The following FUT9 variants were observed in gnomAD, a reference collection of about 807,000 sequenced individuals.
FUT9 encodes the protein fucosyltransferase 9.
In FUT9, 15 loss-of-function variants were observed where a neutral mutation model predicts 29.7. The observed-to-expected ratio is 0.51, with a 90% CI of 0.34 to 0.78. FUT9 has a LOEUF of 0.78. Ranked by LOEUF, FUT9 falls within the 30% of genes least tolerant of loss-of-function variation. The pLI is 0.01. For missense variants in FUT9, 319 were observed against 425.4 expected, an observed-to-expected ratio of 0.75 and a Z score of 2.20; for synonymous variants, 169 against 153.7, an observed-to-expected ratio of 1.10 and a Z score of -0.74.
chr6:96,057,765 A>C (rs903071824), intron 1 of FUT9, among the ~76,000 whole-genome samples: 1 of 152,204 alleles, frequency 6.6e-6, no homozygotes, highest in Admixed American at 6.5e-5. Flanking sequence ...AGACATCAGG[A>C]GGTTTGGCTT....
intron 2 of FUT9, among the ~76,000 whole-genome samples, chr6:96,128,940 C>A (rs1368459061): frequency 2.0e-5 from 3 of 151,832 alleles, no homozygotes; most frequent in Non-Finnish European, 4.4e-5. Context: ...GCCTGCGCAA[C>A]ATGGTGAAAC....
At chr6:96,035,696 C>T (rs1429550121) in intron 1 of FUT9, among the ~76,000 whole-genome samples, 2 of 132,884 alleles carry the variant, frequency 1.5e-5, no homozygotes, top group African/African-American at 2.8e-5. Flanking sequence ...ATTTATTATA[C>T]TAATAAATAT....
intron 2 of FUT9, among the ~76,000 whole-genome samples, chr6:96,168,764 CTTATT>C (rs1773058528): frequency 6.6e-6 from 1 of 151,986 alleles, no homozygotes; most frequent in Non-Finnish European, 1.5e-5. Flanking sequence ...AGTTTGATGA[CTTATT>C]TTAAGATGAG....
At chr6:96,033,799 A>C (rs1378100010) in intron 1 of FUT9, among the ~76,000 whole-genome samples, 3 of 151,754 alleles carry the variant, frequency 2.0e-5, no homozygotes, top group Non-Finnish European at 4.4e-5. Flanking sequence ...TGTACATACA[A>C]ATACAAATTA....
At chr6:96,063,423 G>C (rs1222231904) in intron 1 of FUT9, among the ~76,000 whole-genome samples, 1 of 151,998 alleles carries the variant, frequency 6.6e-6, no homozygotes, top group Non-Finnish European at 1.5e-5. Flanking sequence ...GAGAGAGTAT[G>C]GGGGGCACAC....
intron 1 of FUT9, among the ~76,000 whole-genome samples, chr6:96,079,942 A>G (rs1050911726): frequency 6.6e-5 from 10 of 152,098 alleles, no homozygotes; most frequent in African/African-American, 1.4e-4. Context: ...ATGGAAAACA[A>G]TAATGATTCT....
intron 1 of FUT9, among the ~76,000 whole-genome samples, chr6:96,095,349 A>G (rs1006411664): frequency 3.9e-5 from 6 of 152,142 alleles, no homozygotes. Context: ...CTTTCCAGGA[A>G]ACTCCTCTAT....
rs1225227384 is a variant in FUT9, at chr6:96,212,079, G to T, written c.*7844G>T. On this transcript the variant is annotated 3_prime_UTR_variant, in exon 3 of 3. Transcript: ENST00000302103. ...CTGCATTCCATTTTGATTAATGAGG[G>T]TTCAGGAAATAGAAAGGCAGTCTCT... is the stretch of plus-strand genomic sequence containing the variant. 2 of 412,292 alleles carry T rather than the reference G, an allele frequency of 4.9e-6. No individual in the cohort carries two copies. The highest frequency in any genetic ancestry group is 8.9e-6 in the Non-Finnish European group (2 of 225,420). The allele number at this position is 412,292 out of a possible 1,614,324, so 25.5% of individuals were successfully genotyped here. A position where few individuals can be genotyped will look rare whatever the true frequency, so the allele number is the denominator to read the frequency against.
intron 2 of FUT9, among the ~76,000 whole-genome samples, chr6:96,139,237 G>A (rs9373667): frequency 0.17 from 26,430 of 152,064 alleles, 2,682 homozygotes; most frequent in East Asian, 0.31. Context: ...ATTCAACAGG[G>A]CAGTCAAATC....
intron 2 of FUT9, among the ~76,000 whole-genome samples, chr6:96,167,443 A>G (rs75697386): frequency 6.6e-6 from 1 of 152,144 alleles, no homozygotes; most frequent in African/African-American, 2.4e-5. Flanking sequence ...TGGAAATTGC[A>G]AATATAGCTA....
intron 1 of FUT9, among the ~76,000 whole-genome samples, chr6:96,067,565 T>A (rs1770985225): frequency 6.6e-6 from 1 of 151,430 alleles, no homozygotes; most frequent in Non-Finnish European, 1.5e-5. Context: ...CAAAGGGGAG[T>A]AGAGGTGATG....
intron 1 of FUT9, among the ~76,000 whole-genome samples, chr6:96,062,217 T>A (rs1016499169): frequency 6.6e-6 from 1 of 151,678 alleles, no homozygotes; most frequent in Admixed American, 6.6e-5. Flanking sequence ...AATCTGAAAA[T>A]ATATATAAAA....
chr6:96,155,079 C>G (rs1029162808), intron 2 of FUT9, among the ~76,000 whole-genome samples: 1 of 152,202 alleles, frequency 6.6e-6, no homozygotes, highest in Non-Finnish European at 1.5e-5. Flanking sequence ...GACCCCCAAT[C>G]AGCAGAGCAA....
intron 2 of FUT9, among the ~76,000 whole-genome samples, chr6:96,121,043 A>C (rs1446138643): frequency 6.6e-6 from 1 of 152,174 alleles, no homozygotes; most frequent in Non-Finnish European, 1.5e-5. Flanking sequence ...AATCCTGTGG[A>C]ACTCCAATAA....
chr6:96,126,984 G>A (rs867459867), intron 2 of FUT9, among the ~76,000 whole-genome samples: 1 of 152,138 alleles, frequency 6.6e-6, no homozygotes, highest in African/African-American at 2.4e-5. Context: ...ATGGTTTCAG[G>A]TTATTATTTG....
intron 2 of FUT9, among the ~76,000 whole-genome samples, chr6:96,193,230 G>T (rs1159733458): frequency 7.2e-6 from 1 of 139,358 alleles, no homozygotes; most frequent in Non-Finnish European, 1.5e-5. Context: ...AAGAGCTTCT[G>T]CACAGCCAAA....
intron 1 of FUT9, among the ~76,000 whole-genome samples, chr6:96,083,604 A>G (rs934420684): frequency 6.6e-6 from 1 of 152,052 alleles, no homozygotes; most frequent in Non-Finnish European, 1.5e-5. Flanking sequence ...CCCCTTCAGC[A>G]GCTGGCATCA....
At position 96,079,953 on chromosome 6, in the gene FUT9, C is replaced by T. The variant is rs562990183; in HGVS notation, c.-97-34086C>T. 9.2e-5 allele frequency among the ~76,000 whole-genome samples: 14 copies of T among 152,062 alleles called. No individual in the cohort carries two copies. The South Asian group carries it at 2.9e-3, about 32-fold the overall frequency. On this transcript the variant is annotated intron_variant, in intron 1 of 2. Transcript: ENST00000302103. ...AAAAATGGAAAACAATAATGATTCT[C>T]ACCAAAAATATTGTCTTTGCCTTTA...
chr6:96,187,592 G>A (rs1177696076), intron 2 of FUT9, among the ~76,000 whole-genome samples: 1 of 152,114 alleles, frequency 6.6e-6, no homozygotes, highest in South Asian at 2.1e-4. Flanking sequence ...TAAGATCAAC[G>A]AAGGATCAAA....
Sources: allele counts gnomAD v4.1 joint callset (sites outside exome capture counted in the v4.1 genomes callset), GRCh38; gene constraint gnomAD v4.1.1; transcripts MANE v1.5; gene names NCBI Gene and HGNC (gene_info 2026-07-23, HGNC 2026-07-21).